The following NDFIP1 variants were observed in gnomAD, a reference collection of about 807,000 sequenced individuals.
NDFIP1 encodes the protein Nedd4 family interacting protein 1.
A neutral mutation model predicts 28.8 loss-of-function variants in NDFIP1; 7 were observed. That is an observed-to-expected ratio of 0.24 (90% confidence interval 0.14 to 0.46). The LOEUF (loss-of-function observed/expected upper bound fraction) is 0.46, where lower values mean the gene tolerates loss of function less well. NDFIP1 is among the 20% of genes least tolerant of loss of function. The pLI, the probability that NDFIP1 is intolerant of heterozygous loss-of-function variation, is 0.99. For missense variants in NDFIP1, 194 were observed against 269.1 expected, an observed-to-expected ratio of 0.72 and a Z score of 1.95; for synonymous variants, 92 against 101.0, an observed-to-expected ratio of 0.91 and a Z score of 0.53.
At position 142,153,307 on chromosome 5, in the gene NDFIP1, A is replaced by G. The variant is rs1397796833; in HGVS notation, c.*1579A>G. On this transcript the variant is annotated 3_prime_UTR_variant, in exon 8 of 8. Coordinates refer to ENST00000253814, the MANE Select transcript of NDFIP1 (RefSeq NM_030571.4). ...AGAAATATGAAGAAAAAATACACCAAGATGGTCAAATTACTACACAAATCA... is the reference window on the plus strand; with the variant it reads ...AGAAATATGAAGAAAAAATACACCAGGATGGTCAAATTACTACACAAATCA... 2.2e-6 allele frequency: 1 copy of G among 456,592 alleles called. No individual in the cohort carries two copies. The highest frequency in any genetic ancestry group is 4.4e-6 in the Non-Finnish European group (1 of 226,952). 28.3% of individuals were successfully genotyped at this position (456,592 alleles called of 1,614,324 possible).
At position 142,153,383 on chromosome 5, in the gene NDFIP1, T is replaced by A; in HGVS notation, c.*1655T>A. 2.2e-6 allele frequency: 1 copy of A among 456,948 alleles called. No homozygotes were observed. The highest frequency in any genetic ancestry group is 3.2e-4 in the Middle Eastern group (1 of 3,078). The allele number at this position is 456,948 out of a possible 1,614,324, so 28.3% of individuals were successfully genotyped here. On this transcript the variant is annotated 3_prime_UTR_variant, in exon 8 of 8. Transcript: ENST00000253814. ...AATGTCCATTCATCTGCTGTGTATG[T>A]ATATCCAGAATCAGCATAGGAAGTC... is the stretch of plus-strand genomic sequence containing the variant.
chr5:142,125,365 T>C (rs1187947320), intron 1 of NDFIP1, among the ~76,000 whole-genome samples: 1 of 152,202 alleles, frequency 6.6e-6, no homozygotes, highest in Non-Finnish European at 1.5e-5. Flanking sequence ...AATATAAATC[T>C]GTGTTGCTGT....
At chr5:142,144,003 T>C (rs1387104953) in intron 6 of NDFIP1, 1 of 18,308 alleles carries the variant, frequency 5.5e-5, no homozygotes, top group Non-Finnish European at 9.7e-5. Flanking sequence ...TTAATAATAA[T>C]AATAATAATA....
chr5:142,139,410 A>G (rs1378986229), intron 5 of NDFIP1, among the ~76,000 whole-genome samples: 1 of 152,104 alleles, frequency 6.6e-6, no homozygotes, highest in African/African-American at 2.4e-5. Flanking sequence ...TGACATCATC[A>G]AGGACAGCTG....
chr5:142,140,688 A>T, intron 6 of NDFIP1, 59 bp downstream of exon 6: 13 of 1,333,846 alleles, frequency 9.7e-6, no homozygotes, highest in East Asian at 2.3e-5. Flanking sequence ...TTATAAGTAA[A>T]ATTACTTGTA....
intron 1 of NDFIP1, among the ~76,000 whole-genome samples, chr5:142,120,318 C>G (rs531598564): frequency 1.3e-5 from 2 of 152,168 alleles, no homozygotes; most frequent in Admixed American, 6.5e-5. Flanking sequence ...TGCCCAATCT[C>G]GTCTGTTTAT....
At chr5:142,129,368 G>A (rs545124620) in intron 1 of NDFIP1, among the ~76,000 whole-genome samples, 1 of 152,230 alleles carries the variant, frequency 6.6e-6, no homozygotes, top group Non-Finnish European at 1.5e-5. Context: ...AGGAGCATTT[G>A]GCTTTACTGC....
chr5:142,137,491 C>T (rs1757288691), intron 4 of NDFIP1, among the ~76,000 whole-genome samples: 1 of 152,136 alleles, frequency 6.6e-6, no homozygotes, highest in African/African-American at 2.4e-5. Context: ...CCTATTAAGG[C>T]GTTTTTGAAA....
In NDFIP1 at chr5:142,109,666, G is replaced by A. The variant is rs769415738; in HGVS notation, c.63+629G>A. ...CTACGATGAAGTCTGCAGGGCGTGT[G>A]CCGGGTGTATTTTAAATGCTTGGAA... On this transcript the variant is annotated intron_variant, in intron 1 of 7. Coordinates refer to ENST00000253814, the MANE Select transcript of NDFIP1 (RefSeq NM_030571.4). Among the ~76,000 whole-genome samples the A allele has an allele frequency of 3.9e-5, 6 of 152,220 alleles. No homozygotes were observed. The South Asian group carries it at 8.3e-4, about 21-fold the overall frequency.
Position 142,111,192 on chromosome 5 carries a change from T to G in NDFIP1, c.63+2155T>G, listed in dbSNP as rs374395688. Among the ~76,000 whole-genome samples the G allele has an allele frequency of 2.1e-3, 313 of 151,672 alleles. 3 individuals are homozygous for G. The Middle Eastern group carries it at 0.037, about 18-fold the overall frequency. ...CATGTGTATCTTGTTCTCAGACATGTGCATTCATACATTTGCACATGTGTA... is the reference window on the plus strand; with the variant it reads ...CATGTGTATCTTGTTCTCAGACATGGGCATTCATACATTTGCACATGTGTA... On this transcript the variant is annotated intron_variant, in intron 1 of 7. Coordinates refer to ENST00000253814, the MANE Select transcript of NDFIP1 (RefSeq NM_030571.4).
chr5:142,147,207 A>G (rs959392698), intron 7 of NDFIP1, among the ~76,000 whole-genome samples: 6 of 152,208 alleles, frequency 3.9e-5, no homozygotes, highest in African/African-American at 1.4e-4. Flanking sequence ...CAGAATTTAG[A>G]ATTCTAATGA....
At chr5:142,142,249 C>G (rs866380172) in intron 6 of NDFIP1, among the ~76,000 whole-genome samples, 1 of 152,238 alleles carries the variant, frequency 6.6e-6, no homozygotes, top group South Asian at 2.1e-4. Context: ...CATCTACCAC[C>G]TCCTCAACAG....
chr5:142,114,723 A>C (rs1757048477), intron 1 of NDFIP1, among the ~76,000 whole-genome samples: 1 of 152,228 alleles, frequency 6.6e-6, no homozygotes, highest in Admixed American at 6.5e-5. Context: ...GTAATCTGTG[A>C]GGAGTATGGA....
intron 1 of NDFIP1, among the ~76,000 whole-genome samples, chr5:142,117,370 A>T (rs2126911171): frequency 6.6e-6 from 1 of 151,146 alleles, no homozygotes; most frequent in Non-Finnish European, 1.5e-5. Context: ...CAGTCTCCTG[A>T]GTAGCTGGGA....
At chr5:142,127,813 A>G (rs1323792631) in intron 1 of NDFIP1, among the ~76,000 whole-genome samples, 1 of 152,018 alleles carries the variant, frequency 6.6e-6, no homozygotes, top group Non-Finnish European at 1.5e-5. Flanking sequence ...AAAATTAGCC[A>G]GGTATGGTGG....
chr5:142,127,890 A>G (rs1192233423), intron 1 of NDFIP1, among the ~76,000 whole-genome samples: 1 of 152,242 alleles, frequency 6.6e-6, no homozygotes, highest in Non-Finnish European at 1.5e-5. Flanking sequence ...CAGGAGGCAG[A>G]GGTTGCAGTG....
chr5:142,144,503 G>A (rs564696520), intron 6 of NDFIP1, 68 bp from the exon 7 acceptor site: 1 of 1,116,972 alleles, frequency 9.0e-7, no homozygotes, highest in East Asian at 2.4e-5. Context: ...ATCAGGAGAG[G>A]GATTTCTGGG....
At position 142,125,012 on chromosome 5, in the gene NDFIP1, G is replaced by C. The variant is rs958544013; in HGVS notation, c.64-6796G>C. ...AGCTAATTTTTTTGTATTTTTAGTA[G>C]AGATGGGGTTTCACCTTGTTAGCCA... On this transcript the variant is annotated intron_variant, in intron 1 of 7. Coordinates refer to ENST00000253814, the MANE Select transcript of NDFIP1 (RefSeq NM_030571.4). Among the ~76,000 whole-genome samples, 118 of 152,104 alleles carry C rather than the reference G, an allele frequency of 7.8e-4. 2 individuals carry two copies. The highest frequency in any genetic ancestry group is 2.5e-4 in the Non-Finnish European group (17 of 68,020).
chr5:142,132,026 T>C (rs1041704797), intron 2 of NDFIP1, 131 bp downstream of exon 2: 4 of 1,081,540 alleles, frequency 3.7e-6, no homozygotes, highest in African/African-American at 3.2e-5. Context: ...TTTTAAATAA[T>C]TGAGAAGTGG....
Sources: allele counts gnomAD v4.1 joint callset (sites outside exome capture counted in the v4.1 genomes callset), GRCh38; gene constraint gnomAD v4.1.1; transcripts MANE v1.5; gene names NCBI Gene and HGNC (gene_info 2026-07-23, HGNC 2026-07-21).